ATAD2B: variants seen among roughly 807,000 people sequenced by gnomAD.
The protein encoded by ATAD2B is ATPase family AAA domain-containing protein 2B.
Under a neutral mutation model 167.6 loss-of-function variants are expected in ATAD2B, and 40 were observed. The ratio of observed to expected loss-of-function variants is 0.24; its 90% CI spans 0.19 to 0.31. The LOEUF is 0.31. ATAD2B is among the 10% of genes least tolerant of loss of function. ATAD2B has a pLI of 1.00. For synonymous variants in ATAD2B, 579 were observed against 596.5 expected (o/e 0.97, Z 0.43); for missense variants, 1,242 against 1,757.2 (o/e 0.71, Z 5.24).
intron 19 of ATAD2B, among the ~76,000 whole-genome samples, chr2:23,796,435 C>G (rs1468415394): frequency 6.6e-6 from 1 of 152,056 alleles, no homozygotes; most frequent in African/African-American, 2.4e-5. Flanking sequence ...AAATACTAAA[C>G]CAACAGTAAA....
At chr2:23,686,265 C>T in the ATAD2B span, among the ~76,000 whole-genome samples, 17 of 151,688 alleles carry the variant, frequency 1.1e-4, no homozygotes, top group Admixed American at 1.3e-4. Flanking sequence ...GGGGAGGGGA[C>T]GCCCACCTGA....
At position 23,878,025 on chromosome 2, in the gene ATAD2B, A is replaced by G. The variant is rs79391867; in HGVS notation, c.902-2121T>C. Among the ~76,000 whole-genome samples the G allele has an allele frequency of 4.7e-3, 502 of 106,798 alleles. 20 individuals carry two copies. Among genetic ancestry groups the G allele is most frequent in the Admixed American group, 0.022 (152 of 6,986 alleles). The allele number at this position is 106,798 out of a possible 152,430, so 70.1% of individuals were successfully genotyped here. A position where few individuals can be genotyped will look rare whatever the true frequency, so the allele number is the denominator to read the frequency against. On this transcript the variant is annotated intron_variant, in intron 7 of 27. Coordinates refer to ENST00000238789, the MANE Select transcript of ATAD2B (RefSeq NM_017552.4). ...ACCCTATCTCCAAAGAAAAAAAAAA[A>G]AAAAAAAAAAAAAAGCAAAATGTAT... is the stretch of plus-strand genomic sequence containing the variant.
chr2:23,819,669 TAA>T (rs1687154544), intron 17 of ATAD2B, 76 bp downstream of exon 17: 3 of 1,180,410 alleles, frequency 2.5e-6, no homozygotes, highest in Non-Finnish European at 3.5e-6. Flanking sequence ...TAACCATAAG[TAA>T]AAATATACCA....
At chr2:23,784,689 GAAGA>G (rs1388149756) in intron 21 of ATAD2B, among the ~76,000 whole-genome samples, 1 of 151,704 alleles carries the variant, frequency 6.6e-6, no homozygotes, top group African/African-American at 2.4e-5. Context: ...TAGGGGAGTG[GAAGA>G]AAGGGCACAC....
intron 8 of ATAD2B, among the ~76,000 whole-genome samples, chr2:23,873,857 T>C (rs1696375029): frequency 6.6e-6 from 1 of 152,178 alleles, no homozygotes; most frequent in Non-Finnish European, 1.5e-5. Context: ...AAAATAGTGG[T>C]ATACATAATT....
chr2:23,687,744 G>C, the ATAD2B span, among the ~76,000 whole-genome samples: 1 of 152,196 alleles, frequency 6.6e-6, no homozygotes, highest in East Asian at 1.9e-4. Flanking sequence ...GGAAGAGCAA[G>C]GTCGAAAGGC....
intron 13 of ATAD2B, among the ~76,000 whole-genome samples, chr2:23,853,012 G>GA (rs1330521176): frequency 4.0e-5 from 6 of 149,862 alleles, no homozygotes; most frequent in South Asian, 4.2e-4. Flanking sequence ...AAAAGAGACA[G>GA]AAAAAAAAAT....
intron 1 of ATAD2B, among the ~76,000 whole-genome samples, chr2:23,912,631 C>T (rs1317082802): frequency 6.6e-5 from 10 of 151,892 alleles, no homozygotes; most frequent in Non-Finnish European, 1.5e-4. Flanking sequence ...ATAAAATTTA[C>T]TTTAAAAAAA....
rs187868222 is a variant in ATAD2B, at chr2:23,825,940, G to T, written c.1820-2371C>A. Among the ~76,000 whole-genome samples, 19 of 152,184 alleles carry T rather than the reference G, an allele frequency of 1.2e-4. No homozygotes were observed. The East Asian group carries it at 2.9e-3, about 23-fold the overall frequency. On this transcript the variant is annotated intron_variant, in intron 15 of 27. Coordinates refer to ENST00000238789, the MANE Select transcript of ATAD2B (RefSeq NM_017552.4). ...ATTCCAGACAAAGAAATGATCAATAGACCCCATTTAATGAAGTAGATTTTC... is the reference window on the plus strand; with the variant it reads ...ATTCCAGACAAAGAAATGATCAATATACCCCATTTAATGAAGTAGATTTTC...
intron 7 of ATAD2B, among the ~76,000 whole-genome samples, chr2:23,877,067 C>CA (rs36018928): frequency 0.58 from 63,149 of 108,832 alleles, 16,915 homozygotes; most frequent in East Asian, 0.78. Flanking sequence ...AACTCCATCT[C>CA]AAAAAAAAAA....
chr2:23,872,665 C>G (rs1696185219), intron 8 of ATAD2B: 1 of 1,348,572 alleles, frequency 7.4e-7, no homozygotes, highest in Non-Finnish European at 1.1e-6. Context: ...AGGAGAGCCT[C>G]CAGATCTTCA....
At chr2:23,781,913 A>G (rs561265249) in intron 22 of ATAD2B, among the ~76,000 whole-genome samples, 79 of 152,184 alleles carry the variant, frequency 5.2e-4, no homozygotes, top group Admixed American at 8.5e-4. Flanking sequence ...CCAGGGCTCA[A>G]GTGAGCCTCC....
intron 1 of ATAD2B, among the ~76,000 whole-genome samples, chr2:23,904,182 T>C (rs1476523610): frequency 6.6e-6 from 1 of 151,926 alleles, no homozygotes; most frequent in African/African-American, 2.4e-5. Context: ...GTACAGAGTA[T>C]AAAAACAGAA....
At chr2:23,760,511 A>C (rs1244567385) in intron 24 of ATAD2B, among the ~76,000 whole-genome samples, 1 of 151,886 alleles carries the variant, frequency 6.6e-6, no homozygotes, top group Non-Finnish European at 1.5e-5. Flanking sequence ...AAATACAAAA[A>C]AATGAGCCAG....
chr2:23,783,868 T>G (rs1339660332), intron 21 of ATAD2B, among the ~76,000 whole-genome samples: 2 of 152,128 alleles, frequency 1.3e-5, no homozygotes, highest in Non-Finnish European at 2.9e-5. Flanking sequence ...GGGAGATGGT[T>G]AAGTTCTGCT....
chr2:23,841,799 A>G (rs972686757), intron 13 of ATAD2B, among the ~76,000 whole-genome samples: 2 of 152,230 alleles, frequency 1.3e-5, no homozygotes, highest in African/African-American at 4.8e-5. Flanking sequence ...TACAAGCGTG[A>G]GCCACTACAC....
intron 19 of ATAD2B, among the ~76,000 whole-genome samples, chr2:23,792,205 G>A (rs1402386046): frequency 2.0e-5 from 3 of 151,530 alleles, no homozygotes; most frequent in Non-Finnish European, 4.4e-5. Context: ...GTGCCACCAC[G>A]CCCAGCCTAA....
chr2:23,689,187 GCAGAT>G, the ATAD2B span: 1 of 152,296 alleles, frequency 6.6e-6, no homozygotes. Context: ...GCCTTTCCCT[GCAGAT>G]CATCTGCCCA....
intron 9 of ATAD2B, among the ~76,000 whole-genome samples, chr2:23,868,588 T>G (rs1313421397): frequency 6.6e-6 from 1 of 152,180 alleles, no homozygotes; most frequent in Non-Finnish European, 1.5e-5. Flanking sequence ...TTATAATATT[T>G]AAATCTATCC....
Sources: gnomAD v4.1 joint callset for allele counts (sites outside exome capture counted in the v4.1 genomes callset) on GRCh38, gnomAD v4.1.1 for gene constraint, MANE v1.5 for transcripts, NCBI Gene and HGNC (gene_info 2026-07-23, HGNC 2026-07-21) for gene names.